Variants in TACC2 observed in about 807,000 individuals in gnomAD.
TACC2 encodes the protein transforming acidic coiled-coil containing protein 2, also known as transforming acidic coiled-coil-containing protein 2.
TACC2 carries 137 observed loss-of-function variants against 227.3 expected under a neutral mutation model. That is an observed-to-expected ratio of 0.60 (90% confidence interval 0.52 to 0.69). The LOEUF (loss-of-function observed/expected upper bound fraction) is 0.69. TACC2 is among the 30% of genes least tolerant of loss of function. The probability of loss-of-function intolerance (pLI) is 0.00; values close to 1 mark genes in which losing one functional copy is unlikely to be tolerated. For synonymous variants in TACC2, 1,523 were observed against 1,487.5 expected (o/e 1.02, Z -0.55); for missense variants, 3,470 against 3,694.4 (o/e 0.94, Z 1.57).
At chr10:121,991,722 G>T (rs1375777352) in intron 1 of TACC2, among the ~76,000 whole-genome samples, 1 of 152,182 alleles carries the variant, frequency 6.6e-6, no homozygotes, top group African/African-American at 2.4e-5. Flanking sequence ...TCTGACTTGT[G>T]ACTTTAGTGT....
At chr10:122,250,419 A>AT (rs2096231095) in intron 22 of TACC2, among the ~76,000 whole-genome samples, 1 of 152,098 alleles carries the variant, frequency 6.6e-6, no homozygotes, top group Non-Finnish European at 1.5e-5. Flanking sequence ...TGGCAGCACA[A>AT]TTTTTGCATT....
intron 3 of TACC2, among the ~76,000 whole-genome samples, chr10:122,059,833 T>TA (rs776192097): frequency 1.9e-4 from 18 of 96,292 alleles, no homozygotes; most frequent in African/African-American, 5.7e-4. Context: ...ATTCTCAAAG[T>TA]GGGGTTCTGG....
rs925577200 is a variant in TACC2, at chr10:121,991,136, C to T, written c.-46+1648C>T. On this transcript the variant is annotated intron_variant, in intron 1 of 22. Coordinates refer to ENST00000369005, the MANE Select transcript of TACC2 (RefSeq NM_206862.4). Reference sequence around the variant, plus strand: ...CTTTGTTATCATTTTAATGAAGTCTCTTAAAGGAAAGGAGTTGCATTTGTG... The same window carrying T: ...CTTTGTTATCATTTTAATGAAGTCTTTTAAAGGAAAGGAGTTGCATTTGTG... 2.0e-5 allele frequency among the ~76,000 whole-genome samples: 3 copies of T among 152,170 alleles called. No homozygotes were observed. In the South Asian group the frequency reaches 6.2e-4, roughly 31 times the overall value.
rs752456833 is a variant in TACC2, at chr10:122,086,521, G to C, written c.4021G>C (p.Ala1341Pro). Residue 1341 changes from alanine to proline, a missense_variant, in exon 4 of 23, where the codon GCA becomes CCA. Coordinates refer to ENST00000369005, the MANE Select transcript of TACC2 (RefSeq NM_206862.4). ...GCCACTTCTGGCCAAGGGCAAGCAG[G>C]CAACAGGGGAAGAGAAAGCAGCAAC... Reference protein sequence around the residue: ...RMPLLAKGKQATGEEKAATAP... With the variant: ...RMPLLAKGKQPTGEEKAATAP... 5.0e-6 allele frequency: 8 copies of C among 1,612,288 alleles called. No individual in the cohort carries two copies. Among genetic ancestry groups the C allele is most frequent in the Non-Finnish European group, 5.1e-6 (6 of 1,179,182 alleles).
chr10:122,249,236 C>T (rs1012680584), intron 21 of TACC2, 80 bp downstream of exon 21: 11 of 1,063,076 alleles, frequency 1.0e-5, no homozygotes, highest in East Asian at 1.0e-4. Context: ...CCTCTGGCAG[C>T]GCCTGTGACA....
intron 17 of TACC2, 44 bp from the exon 18 acceptor site, chr10:122,237,917 C>T: frequency 5.5e-6 from 8 of 1,449,410 alleles, no homozygotes; most frequent in Non-Finnish European, 7.7e-6. Context: ...GAGCTGAATT[C>T]ACTCATTTGG....
At chr10:122,071,461 T>C (rs920636918) in intron 3 of TACC2, among the ~76,000 whole-genome samples, 26 of 151,872 alleles carry the variant, frequency 1.7e-4, no homozygotes, top group African/African-American at 6.3e-4. Context: ...CTGAAAAAAA[T>C]TGGTTAAAAG....
chr10:122,226,611 T>G, intron 13 of TACC2, 130 bp downstream of exon 13: 1 of 663,772 alleles, frequency 1.5e-6, no homozygotes. Context: ...CATATTTTTT[T>G]TTTTTTTAAT....
At position 122,221,820 on chromosome 10, in the gene TACC2, A is replaced by G. The variant is rs78050736; in HGVS notation, c.7547-2906A>G. Among the ~76,000 whole-genome samples the G allele has an allele frequency of 1.7e-4, 26 of 152,350 alleles. No homozygotes were observed. In the East Asian group the frequency reaches 5.0e-3, roughly 29 times the overall value. Reference sequence around the variant, plus strand: ...CCACTTGGAAGATAAGTCAATAGGCAAGGAGATATCAGGCGAGTTGGCTTC... The same window carrying G: ...CCACTTGGAAGATAAGTCAATAGGCGAGGAGATATCAGGCGAGTTGGCTTC... On this transcript the variant is annotated intron_variant, in intron 11 of 22. Coordinates refer to ENST00000369005, the MANE Select transcript of TACC2 (RefSeq NM_206862.4).
chr10:122,186,915 T>C (rs1477053205), intron 7 of TACC2, among the ~76,000 whole-genome samples: 1 of 152,174 alleles, frequency 6.6e-6, no homozygotes, highest in Non-Finnish European at 1.5e-5. Flanking sequence ...AAAAGGGTGG[T>C]CCGAGGCTCT....
At chr10:122,026,338 T>C (rs1198985134) in intron 2 of TACC2, among the ~76,000 whole-genome samples, 3 of 96,916 alleles carry the variant, frequency 3.1e-5, no homozygotes, top group African/African-American at 1.3e-4. Context: ...AAAAAAAAAG[T>C]ATAATTGTGA....
At chr10:122,221,789 T>G (rs1213475436) in intron 11 of TACC2, among the ~76,000 whole-genome samples, 4 of 152,234 alleles carry the variant, frequency 2.6e-5, no homozygotes, top group African/African-American at 7.2e-5. Flanking sequence ...ATAAGCACTT[T>G]GAGCTCCACT....
intron 2 of TACC2, among the ~76,000 whole-genome samples, chr10:122,031,668 G>A (rs1958994057): frequency 1.3e-5 from 2 of 151,908 alleles, no homozygotes; most frequent in African/African-American, 4.8e-5. Context: ...CTCCCAAAGT[G>A]CTGGGATTAC....
chr10:122,140,851 G>A (rs2090423323), intron 6 of TACC2, among the ~76,000 whole-genome samples: 1 of 152,180 alleles, frequency 6.6e-6, no homozygotes, highest in African/African-American at 2.4e-5. Flanking sequence ...GGGAGTTCAA[G>A]GGACCTTGAC....
At chr10:122,248,826 CGGA>C (rs775482700) in intron 20 of TACC2, 23 bp downstream of exon 20, 109 of 1,613,394 alleles carry the variant, frequency 6.8e-5, no homozygotes, top group Non-Finnish European at 9.1e-5. Flanking sequence ...TTGGGGGCCA[CGGA>C]GGAGGAGGAT....
Position 122,083,751 on chromosome 10 carries a change from T to C in TACC2, c.1251T>C (p.His417=). 3 of 1,614,070 alleles carry C rather than the reference T, an allele frequency of 1.9e-6. No individual in the cohort carries two copies. The highest frequency in any genetic ancestry group is 1.7e-6 in the Non-Finnish European group (2 of 1,180,002). ...PSLLTPTEEA[H]PASSLASFPA... ...TGCTCACTCCGACTGAGGAAGCACA[T>C]CCAGCTTCAAGCCTCGCTTCATTCC... is the stretch of plus-strand genomic sequence containing the variant. The change falls in exon 4 of 23, where the codon CAT becomes CAC. Residue 417 remains histidine, a synonymous_variant. Coordinates refer to ENST00000369005, the MANE Select transcript of TACC2 (RefSeq NM_206862.4).
chr10:122,120,413 G>A (rs1232483983), intron 5 of TACC2, among the ~76,000 whole-genome samples: 2 of 152,194 alleles, frequency 1.3e-5, no homozygotes, highest in Admixed American at 6.5e-5. Flanking sequence ...GCAGCCCTGG[G>A]AGGGGAAGGG....
chr10:122,038,131 G>T (rs985973140), intron 2 of TACC2, among the ~76,000 whole-genome samples: 3 of 152,110 alleles, frequency 2.0e-5, no homozygotes, highest in African/African-American at 7.2e-5. Flanking sequence ...GTGGTGGTGT[G>T]CACCTGTGGT....
chr10:122,192,254 C>T (rs1352771609), intron 7 of TACC2, among the ~76,000 whole-genome samples: 1 of 152,232 alleles, frequency 6.6e-6, no homozygotes, highest in East Asian at 1.9e-4. Flanking sequence ...TGGCCCACCC[C>T]ATGCTCTGCC....
Sources: gnomAD v4.1 joint callset for allele counts (sites outside exome capture counted in the v4.1 genomes callset) on GRCh38, gnomAD v4.1.1 for gene constraint, MANE v1.5 for transcripts, NCBI Gene and HGNC (gene_info 2026-07-23, HGNC 2026-07-21) for gene names.